NFATC1: variants seen among roughly 807,000 people sequenced by gnomAD.
NFATC1 encodes the protein nuclear factor of activated T-cells, cytoplasmic 1.
NFATC1 carries 22 observed loss-of-function variants against 76.0 expected under a neutral mutation model. That is an observed-to-expected ratio of 0.29 (90% confidence interval 0.21 to 0.41). The LOEUF is 0.41. NFATC1 is among the 10% of genes least tolerant of loss of function. The probability of loss-of-function intolerance (pLI) is 1.00; values close to 1 mark genes in which losing one functional copy is unlikely to be tolerated. For missense variants in NFATC1, 1,357 were observed against 1,337.7 expected (o/e 1.01, Z -0.23); for synonymous variants, 704 against 613.1 (o/e 1.15, Z -2.19).
intron 9 of NFATC1, among the ~76,000 whole-genome samples, chr18:79,521,973 GGGA>G (rs1390198812): frequency 1.8e-5 from 2 of 108,142 alleles, no homozygotes; most frequent in Non-Finnish European, 3.7e-5. Flanking sequence ...GCTGTGTGTG[GGGA>G]GGGGGCATCT....
intron 8 of NFATC1, among the ~76,000 whole-genome samples, chr18:79,475,638 C>T (rs1329977406): frequency 6.6e-6 from 1 of 152,250 alleles, no homozygotes; most frequent in Non-Finnish European, 1.5e-5. Context: ...TGTTCTCACG[C>T]TCACTGTCAA....
intron 7 of NFATC1, 57 bp from the exon 8 acceptor site, chr18:79,467,377 TGTGGCCGCCGTGGCGC>T: frequency 7.0e-7 from 1 of 1,419,144 alleles, no homozygotes; most frequent in African/African-American, 1.5e-5. Flanking sequence ...GGGGTTGCCG[TGTGGCCGCCGTGGCGC>T]GGCAGCCATC....
chr18:79,509,899 G>A (rs550901933), intron 9 of NFATC1, among the ~76,000 whole-genome samples: 5 of 152,324 alleles, frequency 3.3e-5, no homozygotes, highest in Non-Finnish European at 7.3e-5. Context: ...AAGTGTCCTC[G>A]GCGCCAGGTA....
rs939083237 is a variant in NFATC1 at position 79,409,278 on chromosome 18, A to C, written c.128-1125A>C. On this transcript the variant is annotated intron_variant, in intron 1 of 9. Coordinates refer to ENST00000427363, the MANE Select transcript of NFATC1 (RefSeq NM_001278669.2). ...TTCCCTATCCATCCATCTATCATCC[A>C]TCCATCATTATCTATCCATCATCCA... Among the ~76,000 whole-genome samples, 4 of 99,436 alleles carry C rather than the reference A, an allele frequency of 4.0e-5. 1 individual carries two copies. The highest frequency in any genetic ancestry group is 6.7e-5 in the Non-Finnish European group (3 of 44,626). The allele number at this position is 99,436 out of a possible 152,430, so 65.2% of individuals were successfully genotyped here.
intron 2 of NFATC1, chr18:79,422,507 CTG>C (rs1478101184): frequency 6.6e-6 from 1 of 152,276 alleles, no homozygotes; most frequent in Admixed American, 6.5e-5. Flanking sequence ...CCGGACCACA[CTG>C]TTGCTCTCCA....
chr18:79,505,817 G>GAT (rs1569039092), intron 9 of NFATC1, among the ~76,000 whole-genome samples: 10 of 138,018 alleles, frequency 7.2e-5, no homozygotes, highest in African/African-American at 2.8e-4. Flanking sequence ...AGGTGGTGCT[G>GAT]GAGGCCCTTG....
At chr18:79,439,415 C>G (rs2086894585) in intron 3 of NFATC1, among the ~76,000 whole-genome samples, 2 of 149,550 alleles carry the variant, frequency 1.3e-5, no homozygotes, top group South Asian at 4.1e-4. Context: ...AAGTGCAGGT[C>G]TGACCACAAA....
rs184770472 is a variant in NFATC1, at chr18:79,481,685, G to A, written c.2093-4563G>A. ...GCGGGACTGAGAGCCATAGACCCTC[G>A]TGAGCCAGGCTTGAGCGTTGTCTTC... On this transcript the variant is annotated intron_variant, in intron 8 of 9. Transcript: ENST00000427363. 5.9e-5 allele frequency among the ~76,000 whole-genome samples: 9 copies of A among 152,378 alleles called. No homozygotes were observed. In the South Asian group the frequency reaches 1.2e-3, roughly 21 times the overall value.
chr18:79,398,720 G>T (rs1336041377), intron 1 of NFATC1, among the ~76,000 whole-genome samples: 1 of 152,252 alleles, frequency 6.6e-6, no homozygotes, highest in East Asian at 1.9e-4. Flanking sequence ...GATGATAAGG[G>T]CTGTCATTTG....
In NFATC1 at chr18:79,467,500, C is replaced by T. The variant is rs377750921; in HGVS notation, c.2010C>T (p.Ser670=). 121 of 1,613,200 alleles carry T rather than the reference C, an allele frequency of 7.5e-5. No individual in the cohort carries two copies. The highest frequency in any genetic ancestry group is 8.9e-5 in the Non-Finnish European group (105 of 1,179,476). ...CATTTCGGAATCAGAGGATAACCAG[C>T]CCCGTTCACGTCAGTTTCTACGTCT... ...IPPFRNQRIT[S]PVHVSFYVCN... is the part of the protein sequence containing the mutation. The change falls in exon 8 of 10, where the codon AGC becomes AGT. Residue 670 remains serine, a synonymous_variant. Transcript: ENST00000427363.
intron 9 of NFATC1, among the ~76,000 whole-genome samples, chr18:79,487,966 C>A (rs1287560738): frequency 6.6e-6 from 1 of 152,172 alleles, no homozygotes; most frequent in African/African-American, 2.4e-5. Flanking sequence ...TTTCCCAGGC[C>A]CGGGTTCCAG....
At chr18:79,445,054 G>A (rs1033681301) in intron 3 of NFATC1, among the ~76,000 whole-genome samples, 2 of 152,238 alleles carry the variant, frequency 1.3e-5, no homozygotes, top group East Asian at 1.9e-4. Context: ...GGTGTGTCCT[G>A]GTCCTCCACC....
At chr18:79,428,822 C>T (rs1003451224) in intron 2 of NFATC1, among the ~76,000 whole-genome samples, 5 of 152,026 alleles carry the variant, frequency 3.3e-5, no homozygotes, top group African/African-American at 4.8e-5. Context: ...GGCAGCAGAG[C>T]GAGACCTTGT....
At chr18:79,466,034 C>G (rs1287990572) in intron 7 of NFATC1, among the ~76,000 whole-genome samples, 2 of 152,240 alleles carry the variant, frequency 1.3e-5, no homozygotes, top group Non-Finnish European at 2.9e-5. Context: ...ACAACACAGA[C>G]CTGCTGCCAG....
At chr18:79,405,220 G>A (rs570290013) in intron 1 of NFATC1, among the ~76,000 whole-genome samples, 5 of 152,332 alleles carry the variant, frequency 3.3e-5, no homozygotes, top group Admixed American at 1.3e-4. Context: ...ATGACCTTCC[G>A]TTAAGGGATT....
chr18:79,488,104 A>G (rs2089567158), intron 9 of NFATC1, among the ~76,000 whole-genome samples: 1 of 152,192 alleles, frequency 6.6e-6, no homozygotes, highest in Non-Finnish European at 1.5e-5. Context: ...CCCGGGCGTC[A>G]GGAGCTCAGT....
chr18:79,486,571 C>G lies in NFATC1; in HGVS notation c.2416C>G (p.Pro806Ala). ...CCCCGCCGTCCAGGACGTGCCCAGG[C>G]CAGTGGCCACGCACCCCGGCTCGCC... Reference protein sequence around the residue: ...EAPAVQDVPRPVATHPGSPGQ... With the variant: ...EAPAVQDVPRAVATHPGSPGQ... Residue 806 changes from proline (P) to alanine (A), a missense_variant, in exon 9 of 10, where the codon CCA becomes GCA. Transcript: ENST00000427363. 1 of 1,592,442 alleles carries G rather than the reference C, an allele frequency of 6.3e-7. No homozygotes were observed. Among genetic ancestry groups the G allele is most frequent in the Non-Finnish European group, 8.5e-7 (1 of 1,174,140 alleles).
intron 8 of NFATC1, among the ~76,000 whole-genome samples, chr18:79,476,566 C>T (rs1229541685): frequency 6.6e-6 from 1 of 152,226 alleles, no homozygotes; most frequent in Non-Finnish European, 1.5e-5. Context: ...TCGCTGCCAC[C>T]TGAGACCCCC....
chr18:79,415,340 T>C (rs1041491208), intron 2 of NFATC1, among the ~76,000 whole-genome samples: 3 of 152,224 alleles, frequency 2.0e-5, no homozygotes, highest in Non-Finnish European at 2.9e-5. Context: ...TGGAGTGCAG[T>C]GGCACAATCT....
Sources: allele counts gnomAD v4.1 joint callset (sites outside exome capture counted in the v4.1 genomes callset), GRCh38; gene constraint gnomAD v4.1.1; transcripts MANE v1.5; gene names NCBI Gene and HGNC (gene_info 2026-07-23, HGNC 2026-07-21).